Variants in MSRB3 observed in about 807,000 individuals in gnomAD.
The protein encoded by MSRB3 is methionine sulfoxide reductase B3, also known as methionine-R-sulfoxide reductase B3.
MSRB3 carries 13 observed loss-of-function variants against 21.0 expected under a neutral mutation model. The observed-to-expected ratio is 0.62, with a 90% CI of 0.40 to 0.98. MSRB3 has a LOEUF of 0.98. Ranked by LOEUF, MSRB3 falls within the 50% of genes least tolerant of loss-of-function variation. The probability of loss-of-function intolerance (pLI) is 0.00; values close to 1 mark genes in which losing one functional copy is unlikely to be tolerated. For synonymous variants in MSRB3, 87 were observed against 88.6 expected (o/e 0.98, Z 0.10); for missense variants, 199 against 230.3 (o/e 0.86, Z 0.88).
At chr12:65,331,842 G>A (rs1875443970) in intron 4 of MSRB3, among the ~76,000 whole-genome samples, 1 of 152,208 alleles carries the variant, frequency 6.6e-6, no homozygotes, top group Non-Finnish European at 1.5e-5. Context: ...CATAACAGGA[G>A]CCTGGCACTA....
At chr12:65,302,426 A>G (rs912729519) in intron 1 of MSRB3, among the ~76,000 whole-genome samples, 1 of 152,132 alleles carries the variant, frequency 6.6e-6, no homozygotes, top group African/African-American at 2.4e-5. Flanking sequence ...CATTTAGCTT[A>G]TGTCCCACTT....
At chr12:65,403,177 G>A (rs761100139) in intron 5 of MSRB3, among the ~76,000 whole-genome samples, 68 of 152,322 alleles carry the variant, frequency 4.5e-4, no homozygotes, top group Non-Finnish European at 4.4e-4. Flanking sequence ...AGGCAGGAAC[G>A]TTTAAGTCTG....
At chr12:65,282,071 C>T (rs1872056803) in intron 1 of MSRB3, 1 of 152,140 alleles carries the variant, frequency 6.6e-6, no homozygotes, top group African/African-American at 2.4e-5. Flanking sequence ...AATCCCAGCA[C>T]TTTAGGAGGC....
At chr12:65,369,104 A>C in intron 5 of MSRB3, 78 bp downstream of exon 5, 1 of 1,111,382 alleles carries the variant, frequency 9.0e-7, no homozygotes, top group Non-Finnish European at 1.4e-6. Flanking sequence ...TCAGATCAAG[A>C]ACCATTTTGA....
At chr12:65,352,369 C>T (rs958951068) in intron 4 of MSRB3, among the ~76,000 whole-genome samples, 18 of 150,062 alleles carry the variant, frequency 1.2e-4, no homozygotes, top group African/African-American at 4.0e-4. Flanking sequence ...ACTGAATGGG[C>T]AAAAACTGGA....
At chr12:65,293,733 G>A (rs1444856832) in intron 1 of MSRB3, among the ~76,000 whole-genome samples, 6 of 152,160 alleles carry the variant, frequency 3.9e-5, no homozygotes, top group African/African-American at 1.4e-4. Flanking sequence ...TAAGACGTAA[G>A]CTTCATGGTG....
In MSRB3 at chr12:65,310,909, G is replaced by C. The variant is rs191597958; in HGVS notation, c.76+2254G>C. Among the ~76,000 whole-genome samples the C allele has an allele frequency of 1.4e-4, 22 of 152,192 alleles. No individual in the cohort carries two copies. The East Asian group carries it at 3.3e-3, about 23-fold the overall frequency. ...GATAATAATAGTACCAACCTGAAAG[G>C]GTTGCTGTGAGAATTAAATAGATTG... On this transcript the variant is annotated intron_variant, in intron 2 of 6. Transcript: ENST00000308259.
chr12:65,437,184 C>T (rs73322350), intron 5 of MSRB3, among the ~76,000 whole-genome samples: 3,495 of 151,858 alleles, frequency 0.023, 142 homozygotes, highest in African/African-American at 0.079. Context: ...GGCCAGAGAG[C>T]AGTGTCAAAA....
intron 5 of MSRB3, among the ~76,000 whole-genome samples, chr12:65,371,327 T>TAAA (rs1878308528): frequency 4.2e-5 from 1 of 23,718 alleles, no homozygotes; most frequent in Non-Finnish European, 7.2e-5. Flanking sequence ...AGACTCCATC[T>TAAA]CAAAAAAAAA....
At chr12:65,292,891 C>A (rs1592494658) in intron 1 of MSRB3, among the ~76,000 whole-genome samples, 1 of 151,352 alleles carries the variant, frequency 6.6e-6, no homozygotes, top group African/African-American at 2.4e-5. Flanking sequence ...GGATGGCATT[C>A]CAATCAGAAA....
intron 4 of MSRB3, among the ~76,000 whole-genome samples, chr12:65,367,050 T>C (rs1592569698): frequency 6.6e-6 from 1 of 152,146 alleles, no homozygotes; most frequent in Non-Finnish European, 1.5e-5. Flanking sequence ...TAGTAAAGTA[T>C]GGACAGTGAC....
At chr12:65,417,320 GAAGAT>G (rs1881031940) in intron 5 of MSRB3, among the ~76,000 whole-genome samples, 1 of 152,058 alleles carries the variant, frequency 6.6e-6, no homozygotes, top group Non-Finnish European at 1.5e-5. Flanking sequence ...GTGTTAATAA[GAAGAT>G]AATAGATTAA....
chr12:65,445,529 A>G (rs1025797338), intron 5 of MSRB3, among the ~76,000 whole-genome samples: 2 of 151,506 alleles, frequency 1.3e-5, no homozygotes, highest in African/African-American at 4.9e-5. Context: ...TAATTTTTGA[A>G]TAGTATATTG....
At chr12:65,450,525 G>C (rs1348714554) in intron 5 of MSRB3, among the ~76,000 whole-genome samples, 1 of 152,134 alleles carries the variant, frequency 6.6e-6, no homozygotes, top group African/African-American at 2.4e-5. Context: ...GATGTATTGG[G>C]GGTGGGGTGA....
At chr12:65,387,861 TA>T (rs1021830285) in intron 5 of MSRB3, among the ~76,000 whole-genome samples, 11 of 152,050 alleles carry the variant, frequency 7.2e-5, no homozygotes, top group Admixed American at 6.6e-5. Flanking sequence ...CCTACAAAAA[TA>T]AAAAATAATT....
chr12:65,412,049 A>G (rs1029077242), intron 5 of MSRB3, among the ~76,000 whole-genome samples: 2 of 152,136 alleles, frequency 1.3e-5, no homozygotes, highest in African/African-American at 2.4e-5. Flanking sequence ...TGTGTTCATG[A>G]GACCGCACTT....
intron 5 of MSRB3, among the ~76,000 whole-genome samples, chr12:65,446,626 A>G (rs1465414610): frequency 6.6e-6 from 1 of 152,172 alleles, no homozygotes; most frequent in African/African-American, 2.4e-5. Flanking sequence ...AGAGTAAGAA[A>G]AAGAAGAGGA....
intron 5 of MSRB3, among the ~76,000 whole-genome samples, chr12:65,397,641 G>A (rs1879886522): frequency 6.6e-6 from 1 of 151,726 alleles, no homozygotes; most frequent in Non-Finnish European, 1.5e-5. Context: ...TAAGTTCTGG[G>A]ATACATGTGC....
intron 5 of MSRB3, among the ~76,000 whole-genome samples, chr12:65,417,488 A>G (rs1235028131): frequency 6.6e-6 from 1 of 152,190 alleles, no homozygotes; most frequent in Non-Finnish European, 1.5e-5. Context: ...TCACATATTT[A>G]TTATTTTGGT....
Sources: allele counts gnomAD v4.1 joint callset (sites outside exome capture counted in the v4.1 genomes callset), GRCh38; gene constraint gnomAD v4.1.1; transcripts MANE v1.5; gene names NCBI Gene and HGNC (gene_info 2026-07-23, HGNC 2026-07-21).